CSMD1: variants seen among roughly 807,000 people sequenced by gnomAD.
CSMD1 encodes the protein CUB and Sushi multiple domains 1.
In CSMD1, 213 loss-of-function variants were observed where a neutral mutation model predicts 417.5. That is an observed-to-expected ratio of 0.51 (90% confidence interval 0.46 to 0.57). CSMD1 has a LOEUF of 0.57. Among genes scored for constraint, CSMD1 ranks in the 20% least tolerant of loss-of-function variants. The pLI is 0.00. For missense variants in CSMD1, 6,923 were observed against 4,529.7 expected (o/e 1.53, Z -15.17); for synonymous variants, 2,862 against 1,736.8 (o/e 1.65, Z -16.11).
At chr8:3,391,638 C>T (rs1213081549) in intron 17 of CSMD1, among the ~76,000 whole-genome samples, 1 of 152,080 alleles carries the variant, frequency 6.6e-6, no homozygotes, top group Non-Finnish European at 1.5e-5. Flanking sequence ...TTACAAAAGC[C>T]TCAAAAAAAT....
intron 2 of CSMD1, among the ~76,000 whole-genome samples, chr8:4,451,294 C>G (rs1463177568): frequency 6.6e-6 from 1 of 152,064 alleles, no homozygotes; most frequent in Admixed American, 6.6e-5. Context: ...AATCATGACT[C>G]CATCAATCAA....
chr8:3,648,973 G>C (rs1202590335), intron 7 of CSMD1, among the ~76,000 whole-genome samples: 2 of 152,026 alleles, frequency 1.3e-5, no homozygotes, highest in African/African-American at 4.8e-5. Context: ...CCCTGTGCAT[G>C]GTGTTTGAGA....
chr8:3,801,570 C>G (rs1316623306), intron 5 of CSMD1, among the ~76,000 whole-genome samples: 6 of 152,052 alleles, frequency 3.9e-5, no homozygotes, highest in Admixed American at 3.9e-4. Flanking sequence ...TGCAATTCCT[C>G]AAATGGTTAA....
chr8:3,562,034 T>A (rs1384190), intron 10 of CSMD1, among the ~76,000 whole-genome samples: 122,195 of 151,868 alleles, frequency 0.8, 49,829 homozygotes, highest in Middle Eastern at 0.88. Context: ...TACACATCAC[T>A]ACCACCCATC....
intron 48 of CSMD1, among the ~76,000 whole-genome samples, chr8:3,090,907 T>C (rs1012678179): frequency 6.6e-6 from 1 of 152,216 alleles, no homozygotes; most frequent in African/African-American, 2.4e-5. Context: ...ATATATTGAC[T>C]GATTTGATCA....
chr8:3,340,648 A>C (rs1550892), intron 23 of CSMD1, among the ~76,000 whole-genome samples: 3,089 of 152,286 alleles, frequency 0.02, 109 homozygotes, highest in African/African-American at 0.07. Flanking sequence ...TAAATATTTG[A>C]TTCAGGTATT....
At chr8:3,685,874 C>A (rs1352080395) in intron 7 of CSMD1, among the ~76,000 whole-genome samples, 3 of 152,008 alleles carry the variant, frequency 2.0e-5, no homozygotes, top group Non-Finnish European at 4.4e-5. Flanking sequence ...GGGTATCCAT[C>A]CCATCAAACA....
intron 3 of CSMD1, among the ~76,000 whole-genome samples, chr8:4,110,731 C>G (rs1337571691): frequency 6.6e-6 from 1 of 151,984 alleles, no homozygotes; most frequent in Non-Finnish European, 1.5e-5. Context: ...TTCTCATGCT[C>G]TCAACCATCC....
chr8:2,958,991 T>A (rs1040960954), intron 62 of CSMD1, among the ~76,000 whole-genome samples: 27 of 152,204 alleles, frequency 1.8e-4, no homozygotes, highest in Admixed American at 1.8e-3. Flanking sequence ...AGTGGAAGTA[T>A]GAATTTATAA....
At chr8:3,825,520 G>A (rs187058169) in intron 5 of CSMD1, among the ~76,000 whole-genome samples, 189 of 152,274 alleles carry the variant, frequency 1.2e-3, no homozygotes, top group African/African-American at 4.2e-3. Flanking sequence ...AGAAAACTCT[G>A]CAATGGGATG....
At chr8:4,097,106 C>T (rs557558308) in intron 3 of CSMD1, among the ~76,000 whole-genome samples, 2 of 152,196 alleles carry the variant, frequency 1.3e-5, no homozygotes, top group Admixed American at 1.3e-4. Context: ...ACGGCTGTGC[C>T]TTCCCCTCTC....
intron 3 of CSMD1, among the ~76,000 whole-genome samples, chr8:4,236,551 T>A (rs1472742877): frequency 1.3e-5 from 2 of 152,082 alleles, no homozygotes; most frequent in African/African-American, 2.4e-5. Flanking sequence ...CTTAGAAAAA[T>A]TCAACGTGAT....
intron 2 of CSMD1, among the ~76,000 whole-genome samples, chr8:4,536,516 A>T (rs916552630): frequency 1.3e-5 from 2 of 152,136 alleles, no homozygotes; most frequent in African/African-American, 4.8e-5. Flanking sequence ...CAAATCTCAC[A>T]TGTCATGATA....
intron 1 of CSMD1, among the ~76,000 whole-genome samples, chr8:4,824,825 C>A (rs73181561): frequency 0.045 from 6,822 of 152,092 alleles, 178 homozygotes; most frequent in African/African-American, 0.067. Context: ...AGGTATATAG[C>A]CTATATTTAA....
chr8:3,827,357 T>G (rs1417818627), intron 5 of CSMD1, among the ~76,000 whole-genome samples: 1 of 152,230 alleles, frequency 6.6e-6, no homozygotes, highest in Non-Finnish European at 1.5e-5. Context: ...GACAACAATT[T>G]AAAAGACATT....
intron 3 of CSMD1, among the ~76,000 whole-genome samples, chr8:4,416,180 A>T (rs1348246771): frequency 6.6e-6 from 1 of 152,200 alleles, no homozygotes; most frequent in East Asian, 1.9e-4. Context: ...GTTAATAAAT[A>T]CCGGAGTCAC....
intron 18 of CSMD1, among the ~76,000 whole-genome samples, chr8:3,380,537 C>T (rs1010103138): frequency 2.0e-5 from 3 of 152,168 alleles, no homozygotes; most frequent in Non-Finnish European, 2.9e-5. Flanking sequence ...GGCACATATA[C>T]ATCATGGAAT....
chr8:4,944,271 T>A (rs990170599), intron 1 of CSMD1, among the ~76,000 whole-genome samples: 19 of 152,202 alleles, frequency 1.2e-4, no homozygotes, highest in African/African-American at 4.6e-4. Context: ...CTGAGGATTC[T>A]ATACTGTGAG....
intron 3 of CSMD1, among the ~76,000 whole-genome samples, chr8:4,149,376 A>G (rs929424947): frequency 6.6e-6 from 1 of 152,190 alleles, no homozygotes; most frequent in African/African-American, 2.4e-5. Flanking sequence ...TGGTATAATA[A>G]AACCAATATA....
Sources: allele counts gnomAD v4.1 joint callset (sites outside exome capture counted in the v4.1 genomes callset), GRCh38; gene constraint gnomAD v4.1.1; transcripts MANE v1.5; gene names NCBI Gene and HGNC (gene_info 2026-07-23, HGNC 2026-07-21).